The following SERPINE2 variants were observed in gnomAD, a reference collection of about 807,000 sequenced individuals.
The protein encoded by SERPINE2 is serpin family E member 2.
SERPINE2 carries 14 observed loss-of-function variants against 36.3 expected under a neutral mutation model. The observed-to-expected ratio is 0.39, with a 90% confidence interval of 0.25 to 0.60. SERPINE2 has a LOEUF of 0.60. Ranked by LOEUF, SERPINE2 falls within the 20% of genes least tolerant of loss-of-function variation. The probability of loss-of-function intolerance (pLI) is 0.57; values close to 1 mark genes in which losing one functional copy is unlikely to be tolerated. For missense variants in SERPINE2, 418 were observed against 499.6 expected, an observed-to-expected ratio of 0.84 and a Z score of 1.56; for synonymous variants, 192 against 191.8, an observed-to-expected ratio of 1.00 and a Z score of -0.01.
At chr2:224,007,686 C>A (rs148491167) in intron 1 of SERPINE2, among the ~76,000 whole-genome samples, 1 of 152,288 alleles carries the variant, frequency 6.6e-6, no homozygotes, top group African/African-American at 2.4e-5. Context: ...AAGCTCCATA[C>A]ATTGCAACTG....
At chr2:224,036,970 ATC>A (rs1308601922) in intron 1 of SERPINE2, among the ~76,000 whole-genome samples, 1 of 152,182 alleles carries the variant, frequency 6.6e-6, no homozygotes, top group Non-Finnish European at 1.5e-5. Flanking sequence ...CAAGGAGGCC[ATC>A]TCTCTATATT....
intron 1 of SERPINE2, chr2:224,038,449 A>G: frequency 6.5e-7 from 1 of 1,538,866 alleles, no homozygotes; most frequent in Non-Finnish European, 8.8e-7. Flanking sequence ...TTAAATGCCT[A>G]ATTCCTTCCA....
intron 1 of SERPINE2, among the ~76,000 whole-genome samples, chr2:224,036,237 C>G (rs1255363351): frequency 1.3e-5 from 2 of 150,786 alleles, no homozygotes; most frequent in East Asian, 3.9e-4. Flanking sequence ...CCCAAATACA[C>G]AGAGCACAAA....
intron 1 of SERPINE2, among the ~76,000 whole-genome samples, chr2:224,018,939 T>C (rs1691892004): frequency 6.6e-6 from 1 of 152,238 alleles, no homozygotes; most frequent in Non-Finnish European, 1.5e-5. Flanking sequence ...CTGCCTGCAC[T>C]GCCCCAGTGA....
chr2:224,004,411 T>C (rs1262344145), intron 1 of SERPINE2, among the ~76,000 whole-genome samples: 6 of 152,222 alleles, frequency 3.9e-5, no homozygotes, highest in African/African-American at 9.6e-5. Context: ...TGTAAAACAA[T>C]TGTATCAACT....
intron 1 of SERPINE2, among the ~76,000 whole-genome samples, chr2:224,019,284 T>G (rs538756533): frequency 3.3e-5 from 5 of 152,194 alleles, no homozygotes; most frequent in Non-Finnish European, 7.3e-5. Context: ...ATTATACATA[T>G]GGATAATATA....
intron 1 of SERPINE2, among the ~76,000 whole-genome samples, chr2:224,036,734 G>A (rs1325790836): frequency 6.6e-6 from 1 of 152,052 alleles, no homozygotes; most frequent in African/African-American, 2.4e-5. Flanking sequence ...TGAACAGGAA[G>A]GGCAGACCAG....
At chr2:223,997,732 C>T (rs1186887126) in intron 3 of SERPINE2, among the ~76,000 whole-genome samples, 1 of 152,160 alleles carries the variant, frequency 6.6e-6, no homozygotes, top group Non-Finnish European at 1.5e-5. Flanking sequence ...AGAGATCAAT[C>T]AACCTGGAAG....
chr2:223,996,942 T>C (rs1483493075), intron 3 of SERPINE2, among the ~76,000 whole-genome samples: 2 of 152,100 alleles, frequency 1.3e-5, no homozygotes, highest in Non-Finnish European at 2.9e-5. Context: ...CCAGGCATGG[T>C]GGCGCACACC....
intron 1 of SERPINE2, among the ~76,000 whole-genome samples, chr2:224,024,525 T>A (rs1167327847): frequency 6.6e-6 from 1 of 152,208 alleles, no homozygotes; most frequent in Admixed American, 6.5e-5. Context: ...CCTATGCCCA[T>A]TTAACACTAC....
intron 1 of SERPINE2, among the ~76,000 whole-genome samples, chr2:224,018,467 A>C (rs1299186540): frequency 6.6e-6 from 1 of 152,088 alleles, no homozygotes; most frequent in Non-Finnish European, 1.5e-5. Flanking sequence ...TTGCTCAAAG[A>C]GATCGTTTAG....
chr2:224,001,551 T>C, intron 2 of SERPINE2, 91 bp downstream of exon 2: 1 of 1,460,938 alleles, frequency 6.8e-7, no homozygotes, highest in Admixed American at 2.0e-5. Context: ...GCTCTGCTTC[T>C]TGGGGTTGTC....
intron 1 of SERPINE2, among the ~76,000 whole-genome samples, chr2:224,017,328 C>A (rs1017126598): frequency 1.3e-5 from 2 of 152,022 alleles, no homozygotes; most frequent in African/African-American, 2.4e-5. Context: ...AACAAAAAAA[C>A]CCTACTGTAA....
rs1692130499 is a variant in SERPINE2, at chr2:224,024,824, G to C, written c.-23+14275C>G. On this transcript the variant is annotated intron_variant, in intron 1 of 8. Transcript: ENST00000409304. ...CTAGAATTAAAAGTCAATGACAATG[G>C]AAGTTCTCCTTCTCAGCTTTATCTA... Among the ~76,000 whole-genome samples, 6 of 152,324 alleles carry C rather than the reference G, an allele frequency of 3.9e-5. No homozygotes were observed. The South Asian group carries it at 1.2e-3, about 32-fold the overall frequency.
At chr2:224,031,536 T>C (rs1692368350) in intron 1 of SERPINE2, 2 of 984,376 alleles carry the variant, frequency 2.0e-6, no homozygotes, top group Admixed American at 6.1e-5. Context: ...CCCACAGCCA[T>C]TGGTACACGG....
intron 4 of SERPINE2, among the ~76,000 whole-genome samples, chr2:223,987,007 A>G (rs917043691): frequency 1.1e-4 from 17 of 152,156 alleles, no homozygotes; most frequent in African/African-American, 4.1e-4. Flanking sequence ...CAAGTACTGC[A>G]TCCTTTTATA....
chr2:223,988,192 C>T (rs970816777), intron 4 of SERPINE2, among the ~76,000 whole-genome samples: 5 of 152,144 alleles, frequency 3.3e-5, no homozygotes, highest in East Asian at 1.9e-4. Flanking sequence ...TTTACTGAGA[C>T]AGGGTCTTGC....
chr2:223,980,196 CA>C, intron 7 of SERPINE2, 114 bp downstream of exon 7: 3 of 833,092 alleles, frequency 3.6e-6, no homozygotes, highest in Non-Finnish European at 6.0e-6. Context: ...GGTTAACCCA[CA>C]CACACTGCCT....
chr2:223,977,513 G>C (rs768756770), intron 8 of SERPINE2, 31 bp downstream of exon 8: 5 of 1,380,482 alleles, frequency 3.6e-6, no homozygotes, highest in Non-Finnish European at 5.2e-6. Context: ...TTCTAACAGA[G>C]AGGGCATGAT....
Sources: gnomAD v4.1 joint callset for allele counts (sites outside exome capture counted in the v4.1 genomes callset) on GRCh38, gnomAD v4.1.1 for gene constraint, MANE v1.5 for transcripts, NCBI Gene and HGNC (gene_info 2026-07-23, HGNC 2026-07-21) for gene names.